The following SYTL2 variants were observed in gnomAD, a reference collection of about 807,000 sequenced individuals.
SYTL2 encodes synaptotagmin-like protein 2.
SYTL2 carries 165 observed loss-of-function variants against 198.7 expected under a neutral mutation model. The ratio of observed to expected loss-of-function variants is 0.83; its 90% CI spans 0.73 to 0.94. SYTL2 has a LOEUF of 0.94. Among genes scored for constraint, SYTL2 ranks in the 40% least tolerant of loss-of-function variants. The pLI, the probability that SYTL2 is intolerant of heterozygous loss-of-function variation, is 0.00. For synonymous variants in SYTL2, 966 were observed against 917.7 expected, an observed-to-expected ratio of 1.05 and a Z score of -0.95; for missense variants, 2,835 against 2,582.8, an observed-to-expected ratio of 1.10 and a Z score of -2.12.
rs1445241711 is a variant in SYTL2, at chr11:85,724,295, TC to T, written c.5062del (p.Glu1688LysfsTer35). On this transcript the variant is annotated frameshift_variant, in exon 8 of 20. Transcript: ENST00000359152. LOFTEE classifies it high-confidence loss of function. ...CCCTTGTCCCCCTGCAACCCCACTT[TC>T]ACTGTCCCTGTCCTCTGGGGGGGTT... ...TVTPPEDRDS[E>X]SGVAGGQGTL... is the part of the protein sequence containing the mutation. 3 of 1,565,376 alleles carry T rather than the reference TC, an allele frequency of 1.9e-6. No individual in the cohort carries two copies. In the East Asian group the frequency reaches 6.7e-5, roughly 35 times the overall value.
chr11:85,763,902 C>T (rs2092165649), intron 1 of SYTL2, among the ~76,000 whole-genome samples: 1 of 152,168 alleles, frequency 6.6e-6, no homozygotes, highest in Admixed American at 6.5e-5. Context: ...AAGGAGAAGC[C>T]AAAGACGGAA....
chr11:85,707,680 C>A, intron 14 of SYTL2, 149 bp from the exon 15 acceptor site: 1 of 610,770 alleles, frequency 1.6e-6, no homozygotes, highest in Non-Finnish European at 2.9e-6. Context: ...CCTACCAATA[C>A]CTTTATACTT....
chr11:85,771,518 T>C (rs2092354867), intron 1 of SYTL2, among the ~76,000 whole-genome samples: 1 of 152,204 alleles, frequency 6.6e-6, no homozygotes, highest in Admixed American at 6.5e-5. Context: ...CTCACGTTTA[T>C]TCCATCCTGT....
chr11:85,752,026 T>C (rs1215192991), intron 2 of SYTL2, among the ~76,000 whole-genome samples: 1 of 152,222 alleles, frequency 6.6e-6, no homozygotes, highest in Non-Finnish European at 1.5e-5. Flanking sequence ...CCCTCTGGGC[T>C]GGATTCAACA....
In SYTL2 at chr11:85,719,592, G is replaced by T. The variant is rs187942451; in HGVS notation, c.5429-749C>A. Among the ~76,000 whole-genome samples, 3 of 151,780 alleles carry T rather than the reference G, an allele frequency of 2.0e-5. No individual in the cohort carries two copies. In the South Asian group the frequency reaches 6.3e-4, roughly 32 times the overall value. ...GGCTGTCCAACAAAGGATTCGACTC[G>T]CCTTCTCTGGAAGCATTCAGGCGGA... On this transcript the variant is annotated intron_variant, in intron 9 of 19. Transcript: ENST00000359152.
chr11:85,759,671 C>A, intron 1 of SYTL2, among the ~76,000 whole-genome samples: 1 of 152,196 alleles, frequency 6.6e-6, no homozygotes. Context: ...GAAGTTTGGG[C>A]TTCATTGACA....
intron 1 of SYTL2, among the ~76,000 whole-genome samples, chr11:85,795,781 G>A (rs2092795198): frequency 6.6e-6 from 1 of 152,020 alleles, no homozygotes; most frequent in African/African-American, 2.4e-5. Context: ...GATGACTTCA[G>A]GTGAGCTGGC....
chr11:85,801,333 C>T (rs986774138), intron 1 of SYTL2, among the ~76,000 whole-genome samples: 37 of 152,174 alleles, frequency 2.4e-4, no homozygotes, highest in African/African-American at 8.7e-4. Flanking sequence ...CAGAAACACA[C>T]CTGGTCCTTT....
chr11:85,821,633 T>C, the SYTL2 span, among the ~76,000 whole-genome samples: 1 of 152,190 alleles, frequency 6.6e-6, no homozygotes, highest in African/African-American at 2.4e-5. Flanking sequence ...AGCAGAAGAA[T>C]GAAAGAAGCT....
rs1172447361 is a variant in SYTL2, at chr11:85,725,620, C to T, written c.3738G>A (p.Gly1246=). The change falls in exon 8 of 20, where the codon GGG becomes GGA. Residue 1246 remains glycine (G), a synonymous_variant. Coordinates refer to ENST00000359152, the MANE Select transcript of SYTL2 (RefSeq NM_206927.4). Reference sequence around the variant, plus strand: ...GTTCTATCCCTTTTCCAAAAAATCTCCCCTCTTCCAGCTTAGAGTTGGTTC... The same window carrying T: ...GTTCTATCCCTTTTCCAAAAAATCTTCCCTCTTCCAGCTTAGAGTTGGTTC... ...ITGTNSKLEE[G]RFFGKGIEQS... 2 of 1,614,142 alleles carry T rather than the reference C, an allele frequency of 1.2e-6. No homozygotes were observed. Among genetic ancestry groups the T allele is most frequent in the Admixed American group, 3.3e-5 (2 of 60,034 alleles).
intron 1 of SYTL2, among the ~76,000 whole-genome samples, chr11:85,796,239 G>C (rs1002698252): frequency 6.6e-6 from 1 of 152,068 alleles, no homozygotes; most frequent in Non-Finnish European, 1.5e-5. Flanking sequence ...TCTTATCTAG[G>C]TTATATGGCA....
chr11:85,741,778 G>A (rs2090807359), intron 4 of SYTL2, among the ~76,000 whole-genome samples: 1 of 152,098 alleles, frequency 6.6e-6, no homozygotes. Flanking sequence ...GAGCATTGTG[G>A]GGGAAAACTA....
intron 1 of SYTL2, among the ~76,000 whole-genome samples, chr11:85,810,363 T>G (rs1183957246): frequency 6.6e-6 from 1 of 152,120 alleles, no homozygotes; most frequent in Non-Finnish European, 1.5e-5. Flanking sequence ...ACTTCCTATA[T>G]GCTGGTGGAG....
the SYTL2 span, among the ~76,000 whole-genome samples, chr11:85,824,113 T>A: frequency 6.6e-6 from 1 of 152,238 alleles, no homozygotes; most frequent in African/African-American, 2.4e-5. Flanking sequence ...TACAGAGCAC[T>A]GTTTTAACTA....
intron 1 of SYTL2, among the ~76,000 whole-genome samples, chr11:85,776,884 T>C (rs1243482343): frequency 2.0e-5 from 3 of 152,148 alleles, no homozygotes; most frequent in Non-Finnish European, 2.9e-5. Context: ...CAACACAAAA[T>C]GGAGTAAGAC....
At chr11:85,720,601 A>G (rs1179127135) in intron 9 of SYTL2, among the ~76,000 whole-genome samples, 1 of 152,218 alleles carries the variant, frequency 6.6e-6, no homozygotes, top group Non-Finnish European at 1.5e-5. Flanking sequence ...GTACTTGAGA[A>G]ACACTCAAAC....
rs757578531 is a variant in SYTL2 at position 85,736,607 on chromosome 11, C to A, written c.480G>T (p.Lys160Asn). The A allele has an allele frequency of 6.5e-7, 1 of 1,549,694 alleles. No individual in the cohort carries two copies. Among genetic ancestry groups the A allele is most frequent in the Non-Finnish European group, 8.9e-7 (1 of 1,124,530 alleles). Residue 160 changes from lysine (K) to asparagine (N), a missense_variant, in exon 6 of 20, where the codon AAG becomes AAT. Coordinates refer to ENST00000359152, the MANE Select transcript of SYTL2 (RefSeq NM_206927.4). ...KPNVSPEKQR[K>N]NPFNSSKLPE... ...GCAACTTGGAGCTATTAAACGGATT[C>A]TTCCTCTGCTGGGGACAAATATTGT... is the stretch of plus-strand genomic sequence containing the variant.
At chr11:85,738,277 T>G (rs1246583036) in intron 4 of SYTL2, among the ~76,000 whole-genome samples, 1 of 152,212 alleles carries the variant, frequency 6.6e-6, no homozygotes, top group African/African-American at 2.4e-5. Context: ...GTACTTCAAT[T>G]GCTATTTTTA....
At chr11:85,793,316 C>T (rs1376020716) in intron 1 of SYTL2, among the ~76,000 whole-genome samples, 2 of 152,076 alleles carry the variant, frequency 1.3e-5, no homozygotes, top group East Asian at 1.9e-4. Flanking sequence ...TTAATGATTG[C>T]CATTCTAACT....
Sources: allele counts gnomAD v4.1 joint callset (sites outside exome capture counted in the v4.1 genomes callset), GRCh38; gene constraint gnomAD v4.1.1; transcripts MANE v1.5; gene names NCBI Gene and HGNC (gene_info 2026-07-23, HGNC 2026-07-21).